CACNA2D3: variants seen among roughly 807,000 people sequenced by gnomAD.
CACNA2D3 encodes voltage-dependent calcium channel subunit alpha-2/delta-3.
CACNA2D3 carries 60 observed loss-of-function variants against 160.6 expected under a neutral mutation model. That is an observed-to-expected ratio of 0.37 (90% CI 0.30 to 0.46). CACNA2D3 has a LOEUF of 0.46. Among genes scored for constraint, CACNA2D3 ranks in the 20% least tolerant of loss-of-function variants. CACNA2D3 has a pLI of 1.00. For synonymous variants in CACNA2D3, 558 were observed against 492.9 expected (o/e 1.13, Z -1.75); for missense variants, 1,205 against 1,365.0 (o/e 0.88, Z 1.85).
chr3:54,472,973 A>G (rs1038953542), intron 4 of CACNA2D3, among the ~76,000 whole-genome samples: 1 of 152,222 alleles, frequency 6.6e-6, no homozygotes, highest in Non-Finnish European at 1.5e-5. Flanking sequence ...TAATTTATAG[A>G]TTCAGCGCTG....
intron 11 of CACNA2D3, among the ~76,000 whole-genome samples, chr3:54,681,693 T>C (rs1248311761): frequency 6.6e-6 from 1 of 152,194 alleles, no homozygotes; most frequent in African/African-American, 2.4e-5. Context: ...TTTTTTGTTT[T>C]TGCTTTCTGA....
intron 9 of CACNA2D3, among the ~76,000 whole-genome samples, chr3:54,605,410 C>T (rs147901989): frequency 5.3e-5 from 8 of 152,130 alleles, no homozygotes; most frequent in African/African-American, 1.7e-4. Context: ...CACCTTCTAA[C>T]CCCATCCATT....
chr3:54,662,317 T>TGG (rs2106883341), intron 11 of CACNA2D3, among the ~76,000 whole-genome samples: 1 of 152,290 alleles, frequency 6.6e-6, no homozygotes, highest in South Asian at 2.1e-4. Context: ...CTCCCTGGAC[T>TGG]CGCCTACCTG....
chr3:54,590,311 T>C (rs1559520574), intron 9 of CACNA2D3, among the ~76,000 whole-genome samples: 1 of 151,940 alleles, frequency 6.6e-6, no homozygotes, highest in South Asian at 2.1e-4. Context: ...GAGTGAAAAA[T>C]AAAAAAGCCA....
At chr3:54,567,176 T>C (rs920387956) in intron 6 of CACNA2D3, among the ~76,000 whole-genome samples, 4 of 152,182 alleles carry the variant, frequency 2.6e-5, no homozygotes, top group African/African-American at 7.2e-5. Context: ...ATAAAGGAGC[T>C]CTTTTTAGAG....
intron 5 of CACNA2D3, among the ~76,000 whole-genome samples, chr3:54,559,358 C>T (rs973435969): frequency 8.6e-5 from 13 of 152,014 alleles, no homozygotes; most frequent in Non-Finnish European, 1.6e-4. Context: ...AGTGCAGTGG[C>T]GCGATCTCGG....
chr3:54,216,605 C>T (rs1358251762), intron 2 of CACNA2D3, among the ~76,000 whole-genome samples: 2 of 152,204 alleles, frequency 1.3e-5, no homozygotes, highest in African/African-American at 4.8e-5. Context: ...TCACAGAAGG[C>T]GTGATGGCTT....
intron 2 of CACNA2D3, among the ~76,000 whole-genome samples, chr3:54,158,642 A>T (rs1375066788): frequency 6.6e-6 from 1 of 152,214 alleles, no homozygotes; most frequent in Non-Finnish European, 1.5e-5. Context: ...AAGTTCCCAC[A>T]TGGACTTCGC....
At chr3:54,593,633 G>A (rs1340191317) in intron 9 of CACNA2D3, among the ~76,000 whole-genome samples, 5 of 152,132 alleles carry the variant, frequency 3.3e-5, no homozygotes, top group African/African-American at 1.2e-4. Flanking sequence ...AACTATTTTT[G>A]TGGGTCTGTA....
In CACNA2D3 at chr3:54,402,845, G is replaced by C. The variant is rs191245255; in HGVS notation, c.381+16071G>C. ...GAATATACATTCTTCTCTAGTGCACGTGGAACATTCTCCAGGACGAACCAT... is the reference window on the plus strand; with the variant it reads ...GAATATACATTCTTCTCTAGTGCACCTGGAACATTCTCCAGGACGAACCAT... On this transcript the variant is annotated intron_variant, in intron 4 of 37. Transcript: ENST00000474759. Among the ~76,000 whole-genome samples, 3 of 152,290 alleles carry C rather than the reference G, an allele frequency of 2.0e-5. 1 individual carries two copies. The highest frequency in any genetic ancestry group is 1.3e-4 in the Admixed American group (2 of 15,306).
rs1295513215 is a variant in CACNA2D3, at chr3:54,756,634, C to T, written c.1246+3957C>T. On this transcript the variant is annotated intron_variant, in intron 12 of 37. Transcript: ENST00000474759. ...AGCGTCGAAGGAGGCAGAACTAACG[C>T]ACTGGGCCTGACCACAGAATGACCC... 2.0e-5 allele frequency among the ~76,000 whole-genome samples: 3 copies of T among 152,134 alleles called. 1 individual carries two copies. The highest frequency in any genetic ancestry group is 7.2e-5 in the African/African-American group (3 of 41,420).
intron 12 of CACNA2D3, among the ~76,000 whole-genome samples, 179 bp from the exon 13 acceptor site, chr3:54,764,039 A>C (rs796112353): frequency 2.2e-4 from 33 of 151,536 alleles, no homozygotes; most frequent in African/African-American, 8.0e-4. Flanking sequence ...TATTACTCAT[A>C]AAGTGGGTGA....
intron 27 of CACNA2D3, among the ~76,000 whole-genome samples, chr3:54,900,721 G>T (rs1438687025): frequency 6.6e-6 from 1 of 152,146 alleles, no homozygotes; most frequent in Non-Finnish European, 1.5e-5. Flanking sequence ...TGTACTTTAG[G>T]GTGACTTAAC....
rs572750076 is a variant in CACNA2D3 at position 54,249,790 on chromosome 3, A to G, written c.205-70652A>G. On this transcript the variant is annotated intron_variant, in intron 2 of 37. Coordinates refer to ENST00000474759, the MANE Select transcript of CACNA2D3 (RefSeq NM_018398.3). ...TTTTTTTTTTTTTTATGTGAGTGGG[A>G]CTATTTCTTTTTTTGTCTTTTAATA... Among the ~76,000 whole-genome samples the G allele has an allele frequency of 2.5e-3, 372 of 148,318 alleles. 1 individual carries two copies. Among genetic ancestry groups the G allele is most frequent in the African/African-American group, 8.9e-3 (357 of 40,046 alleles).
chr3:54,257,670 C>A (rs1702324565), intron 2 of CACNA2D3, among the ~76,000 whole-genome samples: 1 of 151,908 alleles, frequency 6.6e-6, no homozygotes, highest in Non-Finnish European at 1.5e-5. Context: ...AGTTTGCTGG[C>A]CAACATTAAA....
At chr3:54,334,329 GC>G (rs1465565939) in intron 3 of CACNA2D3, among the ~76,000 whole-genome samples, 2 of 152,040 alleles carry the variant, frequency 1.3e-5, no homozygotes, top group Non-Finnish European at 2.9e-5. Flanking sequence ...CAAGTGATCC[GC>G]CCACCTTGGC....
intron 11 of CACNA2D3, among the ~76,000 whole-genome samples, chr3:54,658,549 T>A (rs1222955548): frequency 6.6e-6 from 1 of 152,238 alleles, no homozygotes; most frequent in African/African-American, 2.4e-5. Flanking sequence ...TTTAGGAATC[T>A]CTTATGTTTT....
At chr3:54,968,327 C>G (rs1036972767) in intron 27 of CACNA2D3, 123 bp from the exon 28 acceptor site, 1 of 670,866 alleles carries the variant, frequency 1.5e-6, no homozygotes. Context: ...GTATGCTTCA[C>G]TGTACATTTT....
intron 4 of CACNA2D3, among the ~76,000 whole-genome samples, chr3:54,437,439 G>A (rs188802644): frequency 3.9e-5 from 6 of 152,276 alleles, no homozygotes; most frequent in East Asian, 3.9e-4. Flanking sequence ...GTATTTTCCC[G>A]TGTGTTGTTT....
Sources: allele counts gnomAD v4.1 joint callset (sites outside exome capture counted in the v4.1 genomes callset), GRCh38; gene constraint gnomAD v4.1.1; transcripts MANE v1.5; gene names NCBI Gene and HGNC (gene_info 2026-07-23, HGNC 2026-07-21).